The following ALPK3 variants were observed in gnomAD, a reference collection of about 807,000 sequenced individuals.
ALPK3 encodes the protein alpha kinase 3.
In ALPK3, 102 loss-of-function variants were observed where a neutral mutation model predicts 140.0. The observed-to-expected ratio is 0.73, with a 90% confidence interval of 0.62 to 0.86. ALPK3 has a LOEUF of 0.86. ALPK3 is among the 40% of genes least tolerant of loss of function. The probability of loss-of-function intolerance (pLI) is 0.00; values close to 1 mark genes in which losing one functional copy is unlikely to be tolerated. For synonymous variants in ALPK3, 938 were observed against 898.5 expected (o/e 1.04, Z -0.79); for missense variants, 2,254 against 2,208.2 (o/e 1.02, Z -0.42).
chr15:84,858,320 G>A lies in ALPK3; in HGVS notation c.3582G>A (p.Arg1194=). 1 of 1,563,526 alleles carries A rather than the reference G, an allele frequency of 6.4e-7. No homozygotes were observed. The highest frequency in any genetic ancestry group is 8.7e-7 in the Non-Finnish European group (1 of 1,154,170). The change falls in exon 6 of 14, where the codon CGG becomes CGA. Residue 1194 remains arginine (R), a synonymous_variant. Transcript: ENST00000258888. ...EERESPTVSP[R]GPRKSLVPGS... is the part of the protein sequence containing the mutation. Reference sequence around the variant, plus strand: ...GGGAGAGCCCCACGGTTTCCCCCCGGGGGCCCAGGAAAAGCCTGGTGCCTG... The same window carrying A: ...GGGAGAGCCCCACGGTTTCCCCCCGAGGGCCCAGGAAAAGCCTGGTGCCTG...
In ALPK3 at chr15:84,840,219, G is replaced by A. The variant is rs115287026; in HGVS notation, c.940G>A (p.Ala314Thr). The change falls in exon 5 of 14, where the codon GCC becomes ACC. Residue 314 changes from alanine to threonine, a missense_variant. By Grantham distance (58) the Ala-to-Thr change is moderately conservative. Around this residue, in one of 3 missense-constraint regions of ALPK3, gnomAD observed 2,088 missense variants for 2,022.9 expected, o/e 1.03. Transcript: ENST00000258888. ...PQRALKEESG[A>T]KKKKKDEESK... ...GAGAGCCCTCAAAGAGGAGAGTGGG[G>A]CCAAGAAGAAAAAGAAAGATGAGGA... 1.6e-4 allele frequency: 265 copies of A among 1,613,834 alleles called. No individual in the cohort carries two copies. The African/African-American group carries it at 2.8e-3, about 17-fold the overall frequency.
At chr15:84,818,823 GAAAGAA>G (rs1963391510) in intron 1 of ALPK3, among the ~76,000 whole-genome samples, 1 of 152,184 alleles carries the variant, frequency 6.6e-6, no homozygotes, top group Non-Finnish European at 1.5e-5. Context: ...TGGCTGCCAG[GAAAGAA>G]TACCCCTTTT....
rs1346027337 is a variant in ALPK3, at chr15:84,857,509, C to T, written c.2771C>T (p.Pro924Leu). Residue 924 changes from proline to leucine, a missense_variant, in exon 6 of 14, where the codon CCA becomes CTA. This residue lies in a region of ALPK3 where 2,088 missense variants were observed against 2,022.9 expected (regional missense o/e 1.03). Transcript: ENST00000258888. ...LGLGTPTQSH[P>L]PETMATSSEG... Reference sequence around the variant, plus strand: ...CTGGGGACCCCCACTCAGAGTCACCCACCAGAAACCATGGCCACCAGCAGT... The same window carrying T: ...CTGGGGACCCCCACTCAGAGTCACCTACCAGAAACCATGGCCACCAGCAGT... 6.9e-6 allele frequency: 11 copies of T among 1,598,632 alleles called. No homozygotes were observed. In the Admixed American group the frequency reaches 1.9e-4, roughly 27 times the overall value.
chr15:84,852,606 GA>G, intron 5 of ALPK3: 1 of 283,702 alleles, frequency 3.5e-6, no homozygotes. Flanking sequence ...CAGCCTCTTT[GA>G]AATGACCTAT....
chr15:84,865,116 C>T (rs745598099), intron 12 of ALPK3, among the ~76,000 whole-genome samples: 3 of 152,094 alleles, frequency 2.0e-5, no homozygotes, highest in Non-Finnish European at 4.4e-5. Context: ...GTTAGCTTTT[C>T]GTTATGTAAA....
At position 84,839,781 on chromosome 15, in the gene ALPK3, G is replaced by C. The variant is rs1386803579; in HGVS notation, c.502G>C (p.Glu168Gln). 2 of 1,614,144 alleles carry C rather than the reference G, an allele frequency of 1.2e-6. No individual in the cohort carries two copies. The highest frequency in any genetic ancestry group is 2.2e-5 in the East Asian group (1 of 44,872). The change falls in exon 5 of 14, where the codon GAG becomes CAG. Residue 168 changes from glutamate (E) to glutamine (Q), a missense_variant. Transcript: ENST00000258888. ...KGIVSCSGVL[E>Q]VGTMTEYKIH... ...CATTGTGTCCTGCTCAGGGGTCCTGGAGGTGGGCACCATGACTGAGTACAA... is the reference window on the plus strand; with the variant it reads ...CATTGTGTCCTGCTCAGGGGTCCTGCAGGTGGGCACCATGACTGAGTACAA...
intron 2 of ALPK3, among the ~76,000 whole-genome samples, chr15:84,823,922 T>G (rs1963456095): frequency 6.6e-6 from 1 of 152,174 alleles, no homozygotes; most frequent in Non-Finnish European, 1.5e-5. Flanking sequence ...CTGTGTTCCC[T>G]GGTCTTGAAC....
intron 10 of ALPK3, 140 bp downstream of exon 10, chr15:84,863,055 G>A: frequency 8.2e-7 from 1 of 1,219,524 alleles, no homozygotes; most frequent in East Asian, 2.4e-5. Flanking sequence ...GGAGGACCTT[G>A]TGGAAAGCCT....
intron 9 of ALPK3, among the ~76,000 whole-genome samples, chr15:84,860,937 G>A (rs1474418839): frequency 6.6e-6 from 1 of 152,220 alleles, no homozygotes; most frequent in Non-Finnish European, 1.5e-5. Context: ...GGCAGGTCTG[G>A]TCTCGACCTC....
intron 5 of ALPK3, among the ~76,000 whole-genome samples, chr15:84,843,416 A>G (rs185867602): frequency 6.6e-6 from 1 of 152,028 alleles, no homozygotes; most frequent in African/African-American, 2.4e-5. Flanking sequence ...TGCAGTGAGC[A>G]ATAGTTTAGA....
Position 84,839,920 on chromosome 15 carries a change from G to A in ALPK3, c.641G>A (p.Arg214His), listed in dbSNP as rs748635734. 6.2e-7 allele frequency: 1 copy of A among 1,613,924 alleles called. No individual in the cohort carries two copies. The change falls in exon 5 of 14, where the codon CGC becomes CAC. Residue 214 changes from arginine (R) to histidine (H), a missense_variant. Coordinates refer to ENST00000258888, the MANE Select transcript of ALPK3 (RefSeq NM_020778.5). ...GTGCCTGGGGAGGTCGACACTCTGCGCAAGCTCAGCCCCGACCGCTTCCAG... is the reference window on the plus strand; with the variant it reads ...GTGCCTGGGGAGGTCGACACTCTGCACAAGCTCAGCCCCGACCGCTTCCAG... ...KAVPGEVDTL[R>H]KLSPDRFQRK...
At chr15:84,833,593 C>T (rs1963567199) in intron 3 of ALPK3, among the ~76,000 whole-genome samples, 1 of 152,198 alleles carries the variant, frequency 6.6e-6, no homozygotes, top group Admixed American at 6.5e-5. Flanking sequence ...CTCTTCCTTC[C>T]TCACTGCTGA....
chr15:84,864,079 AC>A (rs1322700757), intron 11 of ALPK3, among the ~76,000 whole-genome samples: 1 of 152,166 alleles, frequency 6.6e-6, no homozygotes, highest in African/African-American at 2.4e-5. Context: ...ACCTTTGCAT[AC>A]CTGGGGTCCC....
At position 84,850,280 on chromosome 15, in the gene ALPK3, TA is replaced by T. The variant is rs578042268; in HGVS notation, c.1654-6111del. On this transcript the variant is annotated intron_variant, in intron 5 of 13. Transcript: ENST00000258888. Reference sequence around the variant, plus strand: ...CCAGGGCCATGCCCCCTTAGAGGGTTATAAACCATACTATTTTTCATTCAGT... The same window carrying T: ...CCAGGGCCATGCCCCCTTAGAGGGTTTAAACCATACTATTTTTCATTCAGT... Among the ~76,000 whole-genome samples the T allele has an allele frequency of 5.3e-3, 806 of 152,352 alleles. 5 individuals are homozygous for T. Among genetic ancestry groups the T allele is most frequent in the Non-Finnish European group, 9.8e-3 (668 of 68,022 alleles).
At chr15:84,839,434 T>G (rs936558364) in intron 4 of ALPK3, among the ~76,000 whole-genome samples, 4 of 152,226 alleles carry the variant, frequency 2.6e-5, no homozygotes, top group Non-Finnish European at 5.9e-5. Context: ...GGTCACCTGC[T>G]TCTGAAGGGA....
intron 5 of ALPK3, among the ~76,000 whole-genome samples, chr15:84,846,078 C>G (rs1270294397): frequency 6.6e-6 from 1 of 151,812 alleles, no homozygotes; most frequent in African/African-American, 2.4e-5. Context: ...AAAAATAAAA[C>G]AACAACAATA....
In ALPK3 at chr15:84,857,323, A is replaced by C; in HGVS notation, c.2585A>C (p.Gln862Pro). The C allele has an allele frequency of 6.2e-7, 1 of 1,614,160 alleles. No individual in the cohort carries two copies. The highest frequency in any genetic ancestry group is 8.5e-7 in the Non-Finnish European group (1 of 1,180,008). ...QGGCPLAGLS[Q>P]EVPTMPSLPG... ...GGCTGTCCTCTAGCTGGCCTGAGCC[A>C]GGAGGTACCCACGATGCCTTCTCTT... The change falls in exon 6 of 14, where the codon CAG becomes CCG. Residue 862 changes from glutamine (Q) to proline (P), a missense_variant. Physicochemically the swap from Gln to Pro is moderately conservative, Grantham distance 76. Transcript: ENST00000258888.
At chr15:84,839,174 AG>A (rs956568982) in intron 4 of ALPK3, 77 bp downstream of exon 4, 2 of 1,270,050 alleles carry the variant, frequency 1.6e-6, no homozygotes, top group Non-Finnish European at 2.2e-6. Context: ...TCAGAAATGG[AG>A]CAGTCTGGAT....
At chr15:84,837,208 T>G (rs1244474413) in intron 3 of ALPK3, among the ~76,000 whole-genome samples, 2 of 152,148 alleles carry the variant, frequency 1.3e-5, no homozygotes, top group Non-Finnish European at 1.5e-5. Flanking sequence ...TGGAGGAGGC[T>G]GTGGGGTCAA....
Sources: gnomAD v4.1 joint callset for allele counts (sites outside exome capture counted in the v4.1 genomes callset) on GRCh38, gnomAD v4.1.1 for gene constraint, gnomAD v4.1.1 regional missense constraint, MANE v1.5 for transcripts, NCBI Gene and HGNC (gene_info 2026-07-23, HGNC 2026-07-21) for gene names.